SRP54: variants seen among roughly 807,000 people sequenced by gnomAD.
SRP54 encodes signal recognition particle subunit SRP54.
SRP54 carries 10 observed loss-of-function variants against 64.8 expected under a neutral mutation model. The ratio of observed to expected loss-of-function variants is 0.15; its 90% CI spans 0.10 to 0.26. The LOEUF (loss-of-function observed/expected upper bound fraction) is 0.26, where lower values mean the gene tolerates loss of function less well. SRP54 is among the 10% of genes least tolerant of loss of function. The pLI is 1.00. For missense variants in SRP54, 325 were observed against 613.7 expected, an observed-to-expected ratio of 0.53 and a Z score of 4.97; for synonymous variants, 193 against 185.6, an observed-to-expected ratio of 1.04 and a Z score of -0.32.
chr14:35,007,722 AAATAGATTTTAT>A (rs2044287533), intron 5 of SRP54, among the ~76,000 whole-genome samples: 1 of 146,418 alleles, frequency 6.8e-6, no homozygotes, highest in East Asian at 2.0e-4. Flanking sequence ...TATTTACATA[AAATAGATTTTAT>A]TAAAATATAT....
At chr14:34,994,248 C>T (rs1403109162) in intron 1 of SRP54, among the ~76,000 whole-genome samples, 2 of 152,106 alleles carry the variant, frequency 1.3e-5, no homozygotes, top group Non-Finnish European at 1.5e-5. Context: ...ATCCACCCAC[C>T]TCGGCCTCCC....
intron 1 of SRP54, among the ~76,000 whole-genome samples, chr14:34,987,011 T>A (rs983301476): frequency 2.6e-5 from 4 of 151,754 alleles, no homozygotes; most frequent in African/African-American, 9.7e-5. Context: ...GGCAGGCAGA[T>A]CACAAGGTCA....
At chr14:35,019,192 G>A in intron 13 of SRP54, 118 bp downstream of exon 13, 1 of 691,940 alleles carries the variant, frequency 1.4e-6, no homozygotes, top group Non-Finnish European at 2.4e-6. Context: ...ATTATTTTTA[G>A]GTAGATTTGT....
intron 1 of SRP54, among the ~76,000 whole-genome samples, chr14:34,991,473 T>C (rs2043978543): frequency 6.7e-6 from 1 of 149,892 alleles, no homozygotes; most frequent in Non-Finnish European, 1.5e-5. Flanking sequence ...ACAAATAATA[T>C]AAATAAGCCA....
At chr14:35,012,361 A>G (rs2139005679) in intron 8 of SRP54, among the ~76,000 whole-genome samples, 1 of 152,282 alleles carries the variant, frequency 6.6e-6, no homozygotes, top group South Asian at 2.1e-4. Context: ...AGTGTGATGG[A>G]AACAATTTGG....
intron 4 of SRP54, among the ~76,000 whole-genome samples, chr14:35,002,401 T>C (rs939544017): frequency 5.3e-5 from 8 of 151,754 alleles, no homozygotes; most frequent in Non-Finnish European, 1.2e-4. Context: ...AGATGCCCAC[T>C]AGTTCTACAA....
chr14:34,999,001 GTGTGTGTGTGTGGTT>G (rs1264229396), intron 2 of SRP54, among the ~76,000 whole-genome samples: 7 of 96,994 alleles, frequency 7.2e-5, no homozygotes, highest in African/African-American at 2.1e-4. Flanking sequence ...GTGTGTGTGT[GTGTGTGTGTGTGGTT>G]TTTTTTTTTT....
In SRP54 at chr14:34,992,179, C is replaced by T. The variant is rs139696097; in HGVS notation, c.-33-4498C>T. Among the ~76,000 whole-genome samples, 511 of 152,264 alleles carry T rather than the reference C, an allele frequency of 3.4e-3. 2 individuals carry two copies. The highest frequency in any genetic ancestry group is 0.012 in the African/African-American group (488 of 41,562). The stretch of plus-strand genomic sequence containing the variant: ...AACTCCTGACTTCAGGTGATCCACC[C>T]GCCTTGGCCTCCCAAAGTGCTGGGA... On this transcript the variant is annotated intron_variant, in intron 1 of 15. Transcript: ENST00000216774.
intron 8 of SRP54, among the ~76,000 whole-genome samples, chr14:35,012,962 AG>A (rs2044379256): frequency 9.1e-5 from 4 of 43,764 alleles, no homozygotes; most frequent in African/African-American, 3.0e-4. Context: ...TTTTTTTTTG[AG>A]ATGGAGTTTC....
intron 1 of SRP54, among the ~76,000 whole-genome samples, chr14:34,985,790 T>G (rs2138954639): frequency 6.6e-6 from 1 of 152,330 alleles, no homozygotes; most frequent in South Asian, 2.1e-4. Flanking sequence ...AGAATTTAGA[T>G]GAAGCTACTC....
intron 1 of SRP54, among the ~76,000 whole-genome samples, chr14:34,990,115 T>C (rs2043958002): frequency 6.6e-6 from 1 of 152,212 alleles, no homozygotes; most frequent in Non-Finnish European, 1.5e-5. Flanking sequence ...AGCCTGTTTC[T>C]ATTGCTTACT....
chr14:35,006,648 A>G (rs1050060093), intron 4 of SRP54, among the ~76,000 whole-genome samples: 4 of 152,168 alleles, frequency 2.6e-5, no homozygotes, highest in African/African-American at 9.7e-5. Flanking sequence ...CTTCATATAC[A>G]TTTTTGTATT....
rs1373701154 is a variant in SRP54 at position 35,020,408 on chromosome 14, T to C, written c.1156+1334T>C. On this transcript the variant is annotated intron_variant, in intron 13 of 15. Transcript: ENST00000216774. ...GATTGACTCTTCTTTTCACAAAAGA[T>C]TTCTCTGTAGTATTCGATGCTGTTC... 2.0e-5 allele frequency among the ~76,000 whole-genome samples: 3 copies of C among 152,174 alleles called. No homozygotes were observed. The East Asian group carries it at 5.8e-4, about 29-fold the overall frequency.
At chr14:35,017,042 A>G (rs903335352) in intron 11 of SRP54, among the ~76,000 whole-genome samples, 6 of 151,934 alleles carry the variant, frequency 3.9e-5, no homozygotes, top group African/African-American at 1.4e-4. Flanking sequence ...TTTAGTAGAA[A>G]TGGGGTTTCA....
chr14:35,028,194 A>T lies in SRP54; in HGVS notation c.1423+11A>T. ...TTCTTCATCACATGGGTAAATACCA[A>T]GTTGTTGGCAGTTGCTAATGCAGTT... On this transcript the variant is annotated intron_variant, in intron 15 of 15. Coordinates refer to ENST00000216774, the MANE Select transcript of SRP54 (RefSeq NM_003136.4). 3 of 1,529,598 alleles carry T rather than the reference A, an allele frequency of 2.0e-6. No homozygotes were observed. The highest frequency in any genetic ancestry group is 2.7e-6 in the Non-Finnish European group (3 of 1,114,268). 94.8% of individuals were successfully genotyped at this position (1,529,598 alleles called of 1,614,324 possible).
intron 4 of SRP54, among the ~76,000 whole-genome samples, chr14:35,003,993 C>T (rs2044219097): frequency 6.6e-6 from 1 of 151,282 alleles, no homozygotes; most frequent in Admixed American, 6.6e-5. Flanking sequence ...GCCTGTAATC[C>T]CAGTACTTTG....
chr14:35,021,606 C>T (rs1355092087), intron 13 of SRP54, among the ~76,000 whole-genome samples: 1 of 151,236 alleles, frequency 6.6e-6, no homozygotes, highest in African/African-American at 2.4e-5. Context: ...GCACTCCAGC[C>T]TGAGGGACAG....
chr14:35,014,371 G>T (rs10146699), intron 10 of SRP54, among the ~76,000 whole-genome samples: 5 of 149,732 alleles, frequency 3.3e-5, no homozygotes, highest in African/African-American at 9.8e-5. Context: ...TCAGCCTCCC[G>T]GGTTCAAGCG....
At chr14:34,991,779 T>G (rs72680637) in intron 1 of SRP54, among the ~76,000 whole-genome samples, 3,291 of 152,050 alleles carry the variant, frequency 0.022, 43 homozygotes, top group East Asian at 0.035. Context: ...ACTTTACATC[T>G]GTGTGCAATG....
Sources: gnomAD v4.1 joint callset for allele counts (sites outside exome capture counted in the v4.1 genomes callset) on GRCh38, gnomAD v4.1.1 for gene constraint, MANE v1.5 for transcripts, NCBI Gene and HGNC (gene_info 2026-07-23, HGNC 2026-07-21) for gene names.